DCT: variants seen among roughly 807,000 people sequenced by gnomAD.
The protein encoded by DCT is dopachrome tautomerase, also known as L-dopachrome tautomerase.
A neutral mutation model predicts 53.0 loss-of-function variants in DCT; 47 were observed. That is an observed-to-expected ratio of 0.89 (90% CI 0.70 to 1.13). The LOEUF is 1.13. Ranked by LOEUF, DCT falls within the 50% of genes most tolerant of loss-of-function variation. DCT has a pLI of 0.00. For synonymous variants in DCT, 244 were observed against 237.0 expected, an observed-to-expected ratio of 1.03 and a Z score of -0.27; for missense variants, 669 against 637.4, an observed-to-expected ratio of 1.05 and a Z score of -0.53.
the DCT span, among the ~76,000 whole-genome samples, chr13:94,509,973 A>G: frequency 2.0e-5 from 3 of 152,198 alleles, no homozygotes; most frequent in Non-Finnish European, 4.4e-5. Context: ...AGGAGCATCA[A>G]TGACACCTAC....
rs151203596 is a variant in DCT at position 94,479,274 on chromosome 13, GCTCT to G, written c.-23_-20del. On this transcript the variant is annotated 5_prime_UTR_variant, in exon 1 of 8. Coordinates refer to ENST00000377028, the MANE Select transcript of DCT (RefSeq NM_001922.5). Reference sequence around the variant, plus strand: ...GGCTCATGGCTTTATAATTGGGAGAGCTCTCTCTCTCTCTTACTTTCCTTGTCTC... The same window carrying G: ...GGCTCATGGCTTTATAATTGGGAGAGCTCTCTCTCTTACTTTCCTTGTCTC... 8 of 1,521,438 alleles carry G rather than the reference GCTCT, an allele frequency of 5.3e-6. No individual in the cohort carries two copies. Among genetic ancestry groups the G allele is most frequent in the East Asian group, 2.3e-5 (1 of 43,428 alleles). The allele number at this position is 1,521,438 out of a possible 1,614,324, so 94.2% of individuals were successfully genotyped here.
chr13:94,515,621 G>C, the DCT span, among the ~76,000 whole-genome samples: 1 of 152,168 alleles, frequency 6.6e-6, no homozygotes, highest in East Asian at 1.9e-4. Context: ...ACCTCAAGAA[G>C]GGCTTGGAGT....
the DCT span, among the ~76,000 whole-genome samples, chr13:94,485,924 G>A: frequency 4.5e-4 from 68 of 152,252 alleles, no homozygotes; most frequent in African/African-American, 1.2e-3. Context: ...GTTCCTACGC[G>A]TTGCTCGATT....
the DCT span, among the ~76,000 whole-genome samples, chr13:94,530,237 G>C: frequency 1.8e-4 from 28 of 152,172 alleles, no homozygotes; most frequent in African/African-American, 6.5e-4. Flanking sequence ...CATTCCTTCT[G>C]AAACTATTTC....
intron 6 of DCT, among the ~76,000 whole-genome samples, chr13:94,453,319 G>A (rs544697003): frequency 1.1e-3 from 171 of 151,964 alleles, no homozygotes; most frequent in African/African-American, 3.9e-3. Context: ...TAAAACATAT[G>A]AGAATATGAA....
chr13:94,518,166 G>GAAGGAAGGAAGGAAGGAAGGAAGA, the DCT span, among the ~76,000 whole-genome samples: 1 of 143,094 alleles, frequency 7.0e-6, no homozygotes, highest in African/African-American at 2.8e-5. Flanking sequence ...ATGAAGGAAG[G>GAAGGAAGGAAGGAAGGAAGGAAGA]AAGGAAGAAA....
the DCT span, among the ~76,000 whole-genome samples, chr13:94,507,804 A>G: frequency 4.6e-5 from 7 of 152,152 alleles, no homozygotes; most frequent in Non-Finnish European, 8.8e-5. Flanking sequence ...CCCGCCGTAT[A>G]TTGACTATTT....
chr13:94,484,304 G>A (rs1249510938), upstream of DCT, among the ~76,000 whole-genome samples: 1 of 152,190 alleles, frequency 6.6e-6, no homozygotes, highest in Non-Finnish European at 1.5e-5. Flanking sequence ...CTCAAAGACA[G>A]GGGTTCTGTG....
the DCT span, among the ~76,000 whole-genome samples, chr13:94,547,984 A>AAAAAAAATATAT: frequency 1.2e-3 from 78 of 65,798 alleles, no homozygotes; most frequent in African/African-American, 9.4e-3. Flanking sequence ...AAAAAAAAAA[A>AAAAAAAATATAT]ATATATATAT....
intron 6 of DCT, among the ~76,000 whole-genome samples, chr13:94,453,309 T>C (rs1267230853): frequency 6.6e-6 from 1 of 151,844 alleles, no homozygotes; most frequent in Non-Finnish European, 1.5e-5. Flanking sequence ...TGCAACTGTA[T>C]AAAACATATG....
chr13:94,521,166 C>T, the DCT span, among the ~76,000 whole-genome samples: 1 of 152,180 alleles, frequency 6.6e-6, no homozygotes, highest in Admixed American at 6.5e-5. Flanking sequence ...TCCAGGGCAA[C>T]TTGCTTAACC....
At chr13:94,515,812 A>G in the DCT span, among the ~76,000 whole-genome samples, 1 of 152,208 alleles carries the variant, frequency 6.6e-6, no homozygotes, top group African/African-American at 2.4e-5. Context: ...GTTCAGCTAG[A>G]GAATGGAAAG....
At chr13:94,536,080 T>C in the DCT span, among the ~76,000 whole-genome samples, 15 of 152,302 alleles carry the variant, frequency 9.8e-5, no homozygotes, top group East Asian at 2.7e-3. Context: ...AGCCAGTAAA[T>C]GACAAAATCT....
intron 7 of DCT, among the ~76,000 whole-genome samples, chr13:94,440,686 T>TG (rs894803608): frequency 6.9e-6 from 1 of 145,554 alleles, no homozygotes; most frequent in Non-Finnish European, 1.5e-5. Context: ...GTTTTTTTTT[T>TG]TTTTTTTTTT....
the DCT span, among the ~76,000 whole-genome samples, chr13:94,495,502 A>G: frequency 6.6e-6 from 1 of 152,210 alleles, no homozygotes; most frequent in Non-Finnish European, 1.5e-5. Flanking sequence ...ACATAATTTC[A>G]TCTTTAAGCC....
At chr13:94,539,246 G>A in the DCT span, among the ~76,000 whole-genome samples, 7 of 152,254 alleles carry the variant, frequency 4.6e-5, no homozygotes, top group Admixed American at 2.0e-4. Context: ...CATAGCAGAC[G>A]GCAAGCTCTC....
At chr13:94,509,919 T>A in the DCT span, among the ~76,000 whole-genome samples, 2 of 152,202 alleles carry the variant, frequency 1.3e-5, no homozygotes, top group Non-Finnish European at 2.9e-5. Flanking sequence ...GGCCAGGCAC[T>A]CAATAGCAAT....
intron 1 of DCT, among the ~76,000 whole-genome samples, chr13:94,469,702 C>A (rs1884504090): frequency 6.6e-6 from 1 of 152,110 alleles, no homozygotes; most frequent in South Asian, 2.1e-4. Context: ...CCACTCCACG[C>A]CCACAAAAAG....
At chr13:94,525,714 T>G in the DCT span, among the ~76,000 whole-genome samples, 1 of 152,222 alleles carries the variant, frequency 6.6e-6, no homozygotes, top group African/African-American at 2.4e-5. Context: ...CAGCTGTGCA[T>G]GGTGGCTCAT....
Sources: allele counts gnomAD v4.1 joint callset (sites outside exome capture counted in the v4.1 genomes callset), GRCh38; gene constraint gnomAD v4.1.1; transcripts MANE v1.5; gene names NCBI Gene and HGNC (gene_info 2026-07-23, HGNC 2026-07-21).